LRSAM1: variants seen among roughly 807,000 people sequenced by gnomAD.
The protein encoded by LRSAM1 is leucine rich repeat and sterile alpha motif containing 1, also known as E3 ubiquitin-protein ligase LRSAM1.
In LRSAM1, 96 loss-of-function variants were observed where a neutral mutation model predicts 118.1. The ratio of observed to expected loss-of-function variants is 0.81; its 90% CI spans 0.69 to 0.96. The LOEUF (loss-of-function observed/expected upper bound fraction) is 0.96, where lower values mean the gene tolerates loss of function less well. Ranked by LOEUF, LRSAM1 falls within the 40% of genes least tolerant of loss-of-function variation. LRSAM1 has a pLI of 0.00. For missense variants in LRSAM1, 804 were observed against 915.5 expected (o/e 0.88, Z 1.57); for synonymous variants, 322 against 364.2 (o/e 0.88, Z 1.32).
intron 9 of LRSAM1, 47 bp downstream of exon 9, chr9:127,462,420 C>T (rs1436605563): frequency 1.6e-5 from 25 of 1,612,588 alleles, no homozygotes; most frequent in African/African-American, 8.0e-5. Context: ...GGCCTGCCCA[C>T]CTCCCCTCTC....
intron 15 of LRSAM1, among the ~76,000 whole-genome samples, chr9:127,481,644 C>T (rs545126671): frequency 3.3e-5 from 5 of 152,198 alleles, no homozygotes; most frequent in African/African-American, 9.6e-5. Context: ...CCTCCTTAGA[C>T]GATATTTAAT....
intron 4 of LRSAM1, 84 bp downstream of exon 4, chr9:127,455,138 C>A: frequency 7.2e-7 from 1 of 1,389,956 alleles, no homozygotes; most frequent in Non-Finnish European, 1.0e-6. Context: ...CAGAGGTGGA[C>A]TGGGGCTTTA....
chr9:127,454,929 T>A, intron 3 of LRSAM1, 69 bp from the exon 4 acceptor site: 3 of 1,442,062 alleles, frequency 2.1e-6, no homozygotes, highest in Non-Finnish European at 2.9e-6. Flanking sequence ...TTTATGTTCT[T>A]TGCCTGGCTT....
rs1468381431 is a variant in LRSAM1, at chr9:127,467,750, T to A, written c.539T>A (p.Leu180His). The A allele has an allele frequency of 1.9e-6, 3 of 1,610,454 alleles. No homozygotes were observed. Among genetic ancestry groups the A allele is most frequent in the Non-Finnish European group, 2.5e-6 (3 of 1,178,838 alleles). ...CCCTTGTGTCTGCAGATGCTGAGCCTTGACGCCTCGGCCATGGTCTACCCG... is the reference window on the plus strand; with the variant it reads ...CCCTTGTGTCTGCAGATGCTGAGCCATGACGCCTCGGCCATGGTCTACCCG... ...AHVRTLEMLSLDASAMVYPPR... is the reference protein window; with the variant it reads ...AHVRTLEMLSHDASAMVYPPR... Residue 180 changes from leucine (L) to histidine (H), a missense_variant, in exon 10 of 26, where the codon CTT becomes CAT. Coordinates refer to ENST00000300417, the MANE Select transcript of LRSAM1 (RefSeq NM_001005373.4).
intron 24 of LRSAM1, among the ~76,000 whole-genome samples, chr9:127,499,271 G>C (rs1037012248): frequency 6.6e-6 from 1 of 152,086 alleles, no homozygotes; most frequent in Non-Finnish European, 1.5e-5. Flanking sequence ...CTACTCGGGG[G>C]GCAAAGGTGG....
At position 127,454,984 on chromosome 9, in the gene LRSAM1, C is replaced by A. The variant is rs746055151; in HGVS notation, c.73-14C>A. The A allele has an allele frequency of 1.9e-6, 3 of 1,613,622 alleles. No homozygotes were observed. Among genetic ancestry groups the A allele is most frequent in the Non-Finnish European group, 2.5e-6 (3 of 1,179,606 alleles). ...TTTGTCTTAATACTTTTTAAAAATT[C>A]TTTTTATCCTTAGGCAAAAGAAGCT... On this transcript the variant is annotated splice_polypyrimidine_tract_variant and intron_variant, in intron 3 of 25. Coordinates refer to ENST00000300417, the MANE Select transcript of LRSAM1 (RefSeq NM_001005373.4).
At chr9:127,499,730 A>G (rs1836303621) in intron 24 of LRSAM1, among the ~76,000 whole-genome samples, 1 of 151,740 alleles carries the variant, frequency 6.6e-6, no homozygotes, top group African/African-American at 2.4e-5. Context: ...GGAGATGGAG[A>G]CCATCCTGGC....
intron 6 of LRSAM1, 112 bp from the exon 7 acceptor site, chr9:127,458,891 T>C: frequency 1.0e-6 from 1 of 953,880 alleles, no homozygotes; most frequent in South Asian, 1.3e-5. Flanking sequence ...TGGCAGGCAC[T>C]CTGTTTCTGC....
intron 9 of LRSAM1, among the ~76,000 whole-genome samples, chr9:127,463,912 C>T (rs1244402824): frequency 6.6e-6 from 1 of 152,244 alleles, no homozygotes; most frequent in Non-Finnish European, 1.5e-5. Flanking sequence ...GATGAAGAAA[C>T]TGAGGCACAG....
chr9:127,472,292 TA>T (rs1315019475), intron 10 of LRSAM1, among the ~76,000 whole-genome samples: 2 of 123,536 alleles, frequency 1.6e-5, no homozygotes, highest in Non-Finnish European at 1.8e-5. Context: ...CTAAACTATG[TA>T]GAAGTATATA....
rs749662590 is a variant in LRSAM1, at chr9:127,495,438, G to A, written c.1698+20G>A. 3 of 1,610,216 alleles carry A rather than the reference G, an allele frequency of 1.9e-6. No individual in the cohort carries two copies. The Admixed American group carries it at 5.0e-5, about 27-fold the overall frequency. ...CTGCAAGTAAGGACTGCTGGTGCCT[G>A]TCCCGGCCAGGGAGCCCTGGGGACC... On this transcript the variant is annotated intron_variant, in intron 22 of 25. Coordinates refer to ENST00000300417, the MANE Select transcript of LRSAM1 (RefSeq NM_001005373.4).
At chr9:127,481,976 A>T (rs2246579) in intron 15 of LRSAM1, among the ~76,000 whole-genome samples, 97,749 of 151,704 alleles carry the variant, frequency 0.64, 31,762 homozygotes, top group Middle Eastern at 0.66. Flanking sequence ...AAAAAATCTA[A>T]ATTTCTGGAA....
At chr9:127,459,714 A>G (rs894587892) in intron 7 of LRSAM1, among the ~76,000 whole-genome samples, 3 of 151,760 alleles carry the variant, frequency 2.0e-5, no homozygotes, top group African/African-American at 7.3e-5. Context: ...ACACGCCACC[A>G]CACCTGGACA....
chr9:127,489,422 G>A, intron 18 of LRSAM1, 22 bp from the exon 19 acceptor site: 1 of 1,598,692 alleles, frequency 6.3e-7, no homozygotes, highest in Non-Finnish European at 8.5e-7. Flanking sequence ...CCCCTGCTGA[G>A]GGCTGGTGGT....
At chr9:127,489,883 C>T (rs1243193613) in intron 19 of LRSAM1, among the ~76,000 whole-genome samples, 1 of 152,238 alleles carries the variant, frequency 6.6e-6, no homozygotes, top group Non-Finnish European at 1.5e-5. Flanking sequence ...GGCGCAGGCC[C>T]CAGCGCTCCT....
At position 127,465,603 on chromosome 9, in the gene LRSAM1, T is replaced by C. The variant is rs529319339; in HGVS notation, c.529-2137T>C. Among the ~76,000 whole-genome samples, 10 of 152,294 alleles carry C rather than the reference T, an allele frequency of 6.6e-5. No individual in the cohort carries two copies. The highest frequency in any genetic ancestry group is 3.4e-3 in the Middle Eastern group (1 of 294). Reference sequence around the variant, plus strand: ...CCTCTTCCCTGGGGCAGTCTCCCACTCCCTGTGCAAAGCACGTTCACTCAA... The same window carrying C: ...CCTCTTCCCTGGGGCAGTCTCCCACCCCCTGTGCAAAGCACGTTCACTCAA... On this transcript the variant is annotated intron_variant, in intron 9 of 25. Coordinates refer to ENST00000300417, the MANE Select transcript of LRSAM1 (RefSeq NM_001005373.4). The surrounding 1 kb of genome is among the most constrained non-coding windows in gnomAD (Gnocchi z 4.1).
chr9:127,488,902 C>A (rs546745297), intron 18 of LRSAM1, among the ~76,000 whole-genome samples: 26 of 152,220 alleles, frequency 1.7e-4, no homozygotes, highest in South Asian at 6.2e-4. Flanking sequence ...CTCTTTCCTG[C>A]AGCCCCGTGG....
intron 25 of LRSAM1, among the ~76,000 whole-genome samples, chr9:127,501,719 G>A (rs1432642985): frequency 2.0e-5 from 3 of 152,124 alleles, no homozygotes; most frequent in Non-Finnish European, 4.4e-5. Flanking sequence ...CAGACAGATC[G>A]AGATTCCATC....
chr9:127,490,054 AC>A (rs1042995540), intron 19 of LRSAM1, among the ~76,000 whole-genome samples: 2 of 149,752 alleles, frequency 1.3e-5, no homozygotes, highest in East Asian at 2.0e-4. Context: ...GTGACAAGAT[AC>A]CCCCCACCCC....
Sources: gnomAD v4.1 joint callset for allele counts (sites outside exome capture counted in the v4.1 genomes callset) on GRCh38, gnomAD v4.1.1 for gene constraint, Gnocchi (gnomAD v3.1) non-coding constraint, MANE v1.5 for transcripts, NCBI Gene and HGNC (gene_info 2026-07-23, HGNC 2026-07-21) for gene names.